Variants in TENM4 observed in about 807,000 individuals in gnomAD.
TENM4 encodes teneurin transmembrane protein 4, also known as teneurin-4.
In TENM4, 82 loss-of-function variants were observed where a neutral mutation model predicts 243.3. The observed-to-expected ratio is 0.34, with a 90% CI of 0.28 to 0.40. The LOEUF is 0.40. TENM4 is among the 10% of genes least tolerant of loss of function. TENM4 has a pLI of 1.00. For missense variants in TENM4, 3,138 were observed against 3,673.3 expected (o/e 0.85, Z 3.77); for synonymous variants, 1,412 against 1,456.3 (o/e 0.97, Z 0.69).
chr11:78,698,124 G>A (rs533122319), intron 28 of TENM4, among the ~76,000 whole-genome samples: 4 of 152,262 alleles, frequency 2.6e-5, no homozygotes, highest in African/African-American at 7.2e-5. Context: ...GTTTCAGGCC[G>A]GGTGCGGTGG....
chr11:78,919,075 A>G (rs1430503645), intron 6 of TENM4, among the ~76,000 whole-genome samples: 2 of 152,232 alleles, frequency 1.3e-5, no homozygotes, highest in Non-Finnish European at 2.9e-5. Context: ...TAATGGTCCC[A>G]GCACAAGACC....
At chr11:79,000,641 C>A (rs1263279259) in intron 6 of TENM4, among the ~76,000 whole-genome samples, 2 of 151,988 alleles carry the variant, frequency 1.3e-5, no homozygotes, top group Non-Finnish European at 2.9e-5. Context: ...AAAAAATCAA[C>A]AAAGGTATTA....
At chr11:78,751,733 C>CG (rs757994828) in intron 19 of TENM4, among the ~76,000 whole-genome samples, 5 of 152,158 alleles carry the variant, frequency 3.3e-5, no homozygotes, top group Non-Finnish European at 5.9e-5. Context: ...CACCCAACAA[C>CG]GGGAAACAGC....
chr11:79,200,248 A>C (rs2135188217), intron 3 of TENM4, among the ~76,000 whole-genome samples: 1 of 152,358 alleles, frequency 6.6e-6, no homozygotes, highest in South Asian at 2.1e-4. Context: ...CTCTTCCTCC[A>C]GTCTCAGAAT....
chr11:79,081,534 GGTGTGT>G (rs56237099), intron 4 of TENM4, among the ~76,000 whole-genome samples: 6 of 148,174 alleles, frequency 4.0e-5, no homozygotes, highest in African/African-American at 1.0e-4. Context: ...TGTCAGAGGT[GGTGTGT>G]GTGTGTGTGT....
chr11:79,097,842 A>G (rs1417619680), intron 4 of TENM4: 1 of 151,410 alleles, frequency 6.6e-6, no homozygotes, highest in Admixed American at 6.6e-5. Context: ...TTTTTAAAAA[A>G]AAAGAAAAAA....
intron 6 of TENM4, among the ~76,000 whole-genome samples, chr11:78,954,878 C>T (rs1247031033): frequency 1.3e-5 from 2 of 152,230 alleles, no homozygotes; most frequent in Non-Finnish European, 2.9e-5. Flanking sequence ...CCAGTTCTCT[C>T]ACTGCTCAGA....
intron 6 of TENM4, among the ~76,000 whole-genome samples, chr11:78,932,932 G>A (rs940406816): frequency 3.3e-5 from 5 of 152,132 alleles, no homozygotes; most frequent in Admixed American, 6.5e-5. Context: ...GCCACGGTCC[G>A]GTACAGGTTC....
At chr11:78,882,903 T>C (rs148191765) in intron 9 of TENM4, among the ~76,000 whole-genome samples, 9 of 152,348 alleles carry the variant, frequency 5.9e-5, no homozygotes, top group African/African-American at 2.2e-4. Flanking sequence ...GTCCTTCTTG[T>C]GCAGTTGAAA....
At chr11:78,836,923 T>A (rs117399055) in intron 12 of TENM4, among the ~76,000 whole-genome samples, 2,511 of 152,320 alleles carry the variant, frequency 0.016, 38 homozygotes, top group Non-Finnish European at 0.023. Flanking sequence ...CACGTGCCCA[T>A]GTCACCAGGG....
intron 6 of TENM4, among the ~76,000 whole-genome samples, chr11:78,911,456 C>A (rs1029228912): frequency 2.6e-5 from 4 of 152,198 alleles, no homozygotes; most frequent in Admixed American, 6.5e-5. Context: ...ATAGGTTTGG[C>A]TAATGGTGAG....
intron 6 of TENM4, among the ~76,000 whole-genome samples, chr11:78,952,223 C>G (rs1201980270): frequency 6.6e-6 from 1 of 152,226 alleles, no homozygotes; most frequent in African/African-American, 2.4e-5. Context: ...ATCAGAAAGA[C>G]CTTCCCTATT....
intron 2 of TENM4, among the ~76,000 whole-genome samples, chr11:79,248,656 G>T (rs1450850997): frequency 1.3e-5 from 2 of 152,186 alleles, no homozygotes; most frequent in Non-Finnish European, 2.9e-5. Context: ...ACACCTTTCT[G>T]CCTTCTCCTC....
At chr11:78,668,592 A>C (rs567962654) in intron 32 of TENM4, among the ~76,000 whole-genome samples, 1 of 152,332 alleles carries the variant, frequency 6.6e-6, no homozygotes, top group South Asian at 2.1e-4. Flanking sequence ...TTAGGATTTC[A>C]TGGTGAAAAA....
At chr11:79,248,641 C>T (rs1337557485) in intron 2 of TENM4, among the ~76,000 whole-genome samples, 2 of 152,152 alleles carry the variant, frequency 1.3e-5, no homozygotes, top group African/African-American at 2.4e-5. Context: ...TTTAAAAAAC[C>T]ATACACACCT....
At chr11:79,070,464 C>T (rs955470659) in intron 4 of TENM4, among the ~76,000 whole-genome samples, 4 of 152,160 alleles carry the variant, frequency 2.6e-5, no homozygotes, top group Admixed American at 2.6e-4. Flanking sequence ...CTTAGTAAAT[C>T]TTGATATCTT....
chr11:78,911,038 A>T (rs1480431585), intron 6 of TENM4, among the ~76,000 whole-genome samples: 3 of 152,240 alleles, frequency 2.0e-5, no homozygotes, highest in Non-Finnish European at 4.4e-5. Context: ...GTCAGGACAG[A>T]ACTTTCGGTG....
chr11:78,889,675 C>T (rs983809897), intron 9 of TENM4, 110 bp downstream of exon 9: 17 of 1,213,766 alleles, frequency 1.4e-5, no homozygotes, highest in Non-Finnish European at 2.0e-5. Context: ...GCTCACACTG[C>T]GTGCTTTGCC....
intron 2 of TENM4, among the ~76,000 whole-genome samples, chr11:79,260,811 A>G (rs1364261778): frequency 6.6e-6 from 1 of 152,154 alleles, no homozygotes; most frequent in East Asian, 1.9e-4. Context: ...CCTGACACAG[A>G]CTGGCCTGAG....
Sources: allele counts gnomAD v4.1 joint callset (sites outside exome capture counted in the v4.1 genomes callset), GRCh38; gene constraint gnomAD v4.1.1; transcripts MANE v1.5; gene names NCBI Gene and HGNC (gene_info 2026-07-23, HGNC 2026-07-21).